Variants in ARHGAP42 observed in about 807,000 individuals in gnomAD.
ARHGAP42 encodes rho GTPase-activating protein 42.
A neutral mutation model predicts 125.0 loss-of-function variants in ARHGAP42; 63 were observed. The observed-to-expected ratio is 0.50, with a 90% confidence interval of 0.41 to 0.62. ARHGAP42 has a LOEUF of 0.62. Among genes scored for constraint, ARHGAP42 ranks in the 20% least tolerant of loss-of-function variants. The probability of loss-of-function intolerance (pLI) is 0.00; values close to 1 mark genes in which losing one functional copy is unlikely to be tolerated. For missense variants in ARHGAP42, 766 were observed against 1,024.2 expected, an observed-to-expected ratio of 0.75 and a Z score of 3.44; for synonymous variants, 339 against 351.0, an observed-to-expected ratio of 0.97 and a Z score of 0.38.
intron 1 of ARHGAP42, among the ~76,000 whole-genome samples, chr11:100,700,862 G>A (rs956933175): frequency 4.6e-5 from 7 of 152,192 alleles, no homozygotes; most frequent in African/African-American, 1.7e-4. Flanking sequence ...AATTACCAAT[G>A]TTCTCAATGA....
In ARHGAP42 at chr11:100,792,902, G is replaced by A. The variant is rs569190461; in HGVS notation, c.251-2203G>A. ...TGAGTAGCTGGGACTACAGGTGCCC[G>A]CCACCACGCCCTGCTAATTTTTTTT... On this transcript the variant is annotated intron_variant, in intron 2 of 23. Coordinates refer to ENST00000298815, the MANE Select transcript of ARHGAP42 (RefSeq NM_152432.4). Among the ~76,000 whole-genome samples, 24 of 151,960 alleles carry A rather than the reference G, an allele frequency of 1.6e-4. No individual in the cohort carries two copies. The South Asian group carries it at 1.9e-3, about 12-fold the overall frequency.
chr11:100,973,644 G>C (rs893317818), intron 18 of ARHGAP42, among the ~76,000 whole-genome samples: 4 of 151,918 alleles, frequency 2.6e-5, no homozygotes, highest in Non-Finnish European at 5.9e-5. Flanking sequence ...GTATCCCTTT[G>C]AAATCAAACT....
chr11:100,777,861 A>G (rs1042094322), intron 2 of ARHGAP42, among the ~76,000 whole-genome samples: 3 of 152,174 alleles, frequency 2.0e-5, no homozygotes, highest in Non-Finnish European at 4.4e-5. Context: ...AGTTTACTCA[A>G]TATTTGTCTA....
chr11:100,800,194 G>A (rs10895016), intron 3 of ARHGAP42, among the ~76,000 whole-genome samples: 3,891 of 152,290 alleles, frequency 0.026, 84 homozygotes, highest in Middle Eastern at 0.058. Context: ...AGACAATGGT[G>A]CTGGATTAAG....
chr11:100,792,718 T>G (rs970194717), intron 2 of ARHGAP42, among the ~76,000 whole-genome samples: 38 of 152,094 alleles, frequency 2.5e-4, no homozygotes, highest in African/African-American at 8.9e-4. Flanking sequence ...TATAATGTTG[T>G]TTTCCCAGGA....
chr11:100,974,031 C>T (rs1565302204), intron 18 of ARHGAP42, among the ~76,000 whole-genome samples: 1 of 152,110 alleles, frequency 6.6e-6, no homozygotes, highest in Non-Finnish European at 1.5e-5. Flanking sequence ...ATACCTTAAC[C>T]TGCAGCTAGC....
At chr11:100,847,824 C>T (rs1234824548) in intron 3 of ARHGAP42, among the ~76,000 whole-genome samples, 8 of 151,922 alleles carry the variant, frequency 5.3e-5, no homozygotes, top group Admixed American at 1.3e-4. Context: ...TTGAGGTGTC[C>T]GTGGGAGTGG....
chr11:100,897,733 A>G (rs1565264741), intron 4 of ARHGAP42, among the ~76,000 whole-genome samples: 1 of 152,188 alleles, frequency 6.6e-6, no homozygotes, highest in East Asian at 1.9e-4. Context: ...GCTTAAGGAG[A>G]TTTGAGGCTG....
chr11:100,721,197 A>G (rs934766772), intron 1 of ARHGAP42, among the ~76,000 whole-genome samples: 1 of 152,160 alleles, frequency 6.6e-6, no homozygotes, highest in Non-Finnish European at 1.5e-5. Flanking sequence ...TCATGTATCT[A>G]CCTTTGCAGT....
intron 22 of ARHGAP42, among the ~76,000 whole-genome samples, chr11:100,982,950 T>G (rs535708054): frequency 6.6e-6 from 1 of 152,164 alleles, no homozygotes; most frequent in Non-Finnish European, 1.5e-5. Context: ...GCAAAAAAAT[T>G]TGTGATGTTT....
chr11:100,769,906 A>G (rs1286990029), intron 1 of ARHGAP42, among the ~76,000 whole-genome samples: 2 of 151,942 alleles, frequency 1.3e-5, no homozygotes, highest in Non-Finnish European at 2.9e-5. Context: ...TGATGGGTTG[A>G]TAGGTGCAGC....
chr11:100,846,392 T>C (rs1403835587), intron 3 of ARHGAP42, among the ~76,000 whole-genome samples: 2 of 152,004 alleles, frequency 1.3e-5, no homozygotes, highest in African/African-American at 2.4e-5. Context: ...AATAGGAAAA[T>C]GATGTTTAGT....
chr11:100,874,144 C>T (rs907698667), intron 4 of ARHGAP42, among the ~76,000 whole-genome samples: 5 of 152,088 alleles, frequency 3.3e-5, no homozygotes, highest in East Asian at 1.9e-4. Context: ...GTCATACATA[C>T]GGATGTTCAG....
intron 16 of ARHGAP42, among the ~76,000 whole-genome samples, 199 bp from the exon 17 acceptor site, chr11:100,965,472 T>A (rs948926678): frequency 1.3e-5 from 2 of 152,184 alleles, no homozygotes; most frequent in African/African-American, 4.8e-5. Flanking sequence ...CTTTGGCTTC[T>A]CTACTTCCTA....
chr11:100,817,312 C>G (rs912712025), intron 3 of ARHGAP42, among the ~76,000 whole-genome samples: 2 of 152,184 alleles, frequency 1.3e-5, no homozygotes, highest in African/African-American at 4.8e-5. Flanking sequence ...CATTTGAGAA[C>G]CACTGGAGTG....
chr11:100,758,273 C>T (rs1414965809), intron 1 of ARHGAP42, among the ~76,000 whole-genome samples: 1 of 152,050 alleles, frequency 6.6e-6, no homozygotes, highest in African/African-American at 2.4e-5. Context: ...ATTATTGGAT[C>T]CGGGAATGTT....
chr11:100,955,464 T>G (rs183512702), intron 12 of ARHGAP42, among the ~76,000 whole-genome samples: 1 of 152,194 alleles, frequency 6.6e-6, no homozygotes, highest in Admixed American at 6.5e-5. Context: ...GGGAAAGTGT[T>G]CACAAATGTA....
At position 100,734,176 on chromosome 11, in the gene ARHGAP42, G is replaced by A. The variant is rs953185082; in HGVS notation, c.155-36167G>A. Among the ~76,000 whole-genome samples the A allele has an allele frequency of 2.6e-5, 4 of 151,308 alleles. 1 individual carries two copies. The highest frequency in any genetic ancestry group is 5.9e-5 in the Non-Finnish European group (4 of 67,880). On this transcript the variant is annotated intron_variant, in intron 1 of 23. Transcript: ENST00000298815. ...TCTCGAACTCCTGACCTCATGATCCGCCCACCTCGGCCTCCCAAAGTGCTG... is the reference window on the plus strand; with the variant it reads ...TCTCGAACTCCTGACCTCATGATCCACCCACCTCGGCCTCCCAAAGTGCTG...
chr11:100,749,012 C>CT (rs1471498795), intron 1 of ARHGAP42, among the ~76,000 whole-genome samples: 1 of 152,094 alleles, frequency 6.6e-6, no homozygotes, highest in African/African-American at 2.4e-5. Flanking sequence ...CTTTCTCCCT[C>CT]TTTCTCTTTG....
Sources: allele counts gnomAD v4.1 joint callset (sites outside exome capture counted in the v4.1 genomes callset), GRCh38; gene constraint gnomAD v4.1.1; transcripts MANE v1.5; gene names NCBI Gene and HGNC (gene_info 2026-07-23, HGNC 2026-07-21).